GLIS1: variants seen among roughly 807,000 people sequenced by gnomAD.
GLIS1 encodes the protein GLIS family zinc finger 1, also known as zinc finger protein GLIS1.
A neutral mutation model predicts 63.8 loss-of-function variants in GLIS1; 24 were observed. The observed-to-expected ratio is 0.38, with a 90% CI of 0.27 to 0.53. The LOEUF (loss-of-function observed/expected upper bound fraction) is 0.53, where lower values mean the gene tolerates loss of function less well. Among genes scored for constraint, GLIS1 ranks in the 20% least tolerant of loss-of-function variants. The pLI is 0.85. For synonymous variants in GLIS1, 450 were observed against 482.5 expected, an observed-to-expected ratio of 0.93 and a Z score of 0.88; for missense variants, 1,036 against 1,074.1, an observed-to-expected ratio of 0.96 and a Z score of 0.50.
intron 2 of GLIS1, among the ~76,000 whole-genome samples, chr1:53,638,884 G>A (rs1645756233): frequency 6.6e-6 from 1 of 152,150 alleles, no homozygotes; most frequent in African/African-American, 2.4e-5. Flanking sequence ...CTCTGGGTTG[G>A]CCCTGGGTGA....
intron 2 of GLIS1, among the ~76,000 whole-genome samples, chr1:53,602,081 GC>G (rs1645324139): frequency 6.6e-6 from 1 of 152,172 alleles, no homozygotes; most frequent in Non-Finnish European, 1.5e-5. Context: ...TACCTTCCCA[GC>G]CCCAGCCCCA....
At chr1:53,551,158 A>C (rs1644755402) in intron 4 of GLIS1, among the ~76,000 whole-genome samples, 1 of 152,092 alleles carries the variant, frequency 6.6e-6, no homozygotes, top group Non-Finnish European at 1.5e-5. Context: ...GTGATTTTTT[A>C]AAGGATCCCC....
At chr1:53,629,758 A>C (rs1393429702) in intron 2 of GLIS1, among the ~76,000 whole-genome samples, 1 of 152,178 alleles carries the variant, frequency 6.6e-6, no homozygotes, top group African/African-American at 2.4e-5. Context: ...CACACTGCCT[A>C]CTACATATTA....
chr1:53,732,165 A>G (rs1249072966), intron 2 of GLIS1, among the ~76,000 whole-genome samples: 1 of 152,258 alleles, frequency 6.6e-6, no homozygotes, highest in African/African-American at 2.4e-5. Context: ...ACAGCTCGTA[A>G]TGCTAACACG....
intron 2 of GLIS1, among the ~76,000 whole-genome samples, chr1:53,605,624 C>A (rs538199735): frequency 1.3e-5 from 2 of 152,230 alleles, no homozygotes; most frequent in African/African-American, 2.4e-5. Context: ...ACCTCCCCTA[C>A]GAGCCTGAGA....
chr1:53,579,750 C>T (rs1321328504), intron 4 of GLIS1, among the ~76,000 whole-genome samples: 2 of 152,230 alleles, frequency 1.3e-5, no homozygotes, highest in Non-Finnish European at 2.9e-5. Context: ...AAAACATCAT[C>T]ACACCCCAGG....
intron 4 of GLIS1, among the ~76,000 whole-genome samples, chr1:53,540,738 G>A (rs1180110512): frequency 6.6e-6 from 1 of 152,194 alleles, no homozygotes; most frequent in African/African-American, 2.4e-5. Context: ...GGGACCGCCT[G>A]CCCAGGATGG....
rs560468446 is a variant in GLIS1, at chr1:53,509,720, C to T, written c.2062+129G>A. On this transcript the variant is annotated intron_variant, in intron 9 of 10. Coordinates refer to ENST00000628545, the MANE Select transcript of GLIS1 (RefSeq NM_001367484.1). The stretch of plus-strand genomic sequence containing the variant: ...TCCCCTGTCTCCTAGCTTCTCTCAG[C>T]CCCCAGTGCCCAGCCGGTCATTCTC... 8.0e-5 allele frequency: 43 copies of T among 534,262 alleles called. No homozygotes were observed. The East Asian group carries it at 1.5e-3, about 19-fold the overall frequency. 33.1% of individuals were successfully genotyped at this position (534,262 alleles called of 1,614,324 possible). A position where few individuals can be genotyped will look rare whatever the true frequency, so the allele number is the denominator to read the frequency against.
intron 2 of GLIS1, among the ~76,000 whole-genome samples, chr1:53,667,789 G>T (rs1348528892): frequency 6.6e-6 from 1 of 152,178 alleles, no homozygotes; most frequent in Non-Finnish European, 1.5e-5. Context: ...TTCTAAAAGG[G>T]CCTTAATCCC....
intron 2 of GLIS1, among the ~76,000 whole-genome samples, chr1:53,622,765 G>T (rs2100210563): frequency 6.6e-6 from 1 of 152,344 alleles, no homozygotes; most frequent in South Asian, 2.1e-4. Context: ...TCCAGAGGGA[G>T]CAAGGCCCTG....
In GLIS1 at chr1:53,529,923, C is replaced by T. The variant is rs746299392; in HGVS notation, c.1350G>A (p.Arg450=). 6.2e-7 allele frequency: 1 copy of T among 1,613,770 alleles called. No individual in the cohort carries two copies. The change falls in exon 5 of 11, where the codon CGG becomes CGA. Residue 450 remains arginine, a synonymous_variant. Coordinates refer to ENST00000628545, the MANE Select transcript of GLIS1 (RefSeq NM_001367484.1). ...MFEGCSKAFS[R]LENLKIHLRS... ...TCAGGTGGATCTTGAGGTTCTCCAG[C>T]CGTGAGAAGGCCTTGCTGCAGCCTT...
intron 2 of GLIS1, among the ~76,000 whole-genome samples, chr1:53,724,761 C>T (rs925432221): frequency 9.2e-5 from 14 of 152,190 alleles, no homozygotes; most frequent in African/African-American, 3.4e-4. Flanking sequence ...TTCAAGCAAT[C>T]CTCCTGGCTT....
chr1:53,544,383 C>A (rs1644677099), intron 4 of GLIS1, among the ~76,000 whole-genome samples: 1 of 152,180 alleles, frequency 6.6e-6, no homozygotes, highest in South Asian at 2.1e-4. Context: ...CACAGTGAGG[C>A]CTTCGGGCAG....
chr1:53,588,137 G>C (rs918678556), intron 4 of GLIS1, among the ~76,000 whole-genome samples: 1 of 152,114 alleles, frequency 6.6e-6, no homozygotes, highest in Non-Finnish European at 1.5e-5. Context: ...TAATGATCTT[G>C]TCCCACTTGA....
At chr1:53,534,664 C>G (rs1168108125) in intron 4 of GLIS1, among the ~76,000 whole-genome samples, 11 of 131,498 alleles carry the variant, frequency 8.4e-5, no homozygotes, top group Non-Finnish European at 1.3e-4. Flanking sequence ...CCCCACCTGA[C>G]CACCCACCCC....
chr1:53,672,769 G>A (rs537492896), intron 2 of GLIS1, among the ~76,000 whole-genome samples: 9 of 152,236 alleles, frequency 5.9e-5, no homozygotes, highest in African/African-American at 2.2e-4. Flanking sequence ...TCCCCTTCCC[G>A]ACACAAACCT....
intron 4 of GLIS1, among the ~76,000 whole-genome samples, chr1:53,572,181 A>T (rs996148642): frequency 4.6e-5 from 7 of 152,196 alleles, no homozygotes; most frequent in African/African-American, 1.7e-4. Context: ...TCTGGGGCCA[A>T]ATAGTACTTA....
intron 4 of GLIS1, among the ~76,000 whole-genome samples, chr1:53,556,421 A>ATGTGTG (rs1411828546): frequency 3.4e-5 from 2 of 58,506 alleles, no homozygotes; most frequent in African/African-American, 6.9e-5. Flanking sequence ...TACTGTAGGT[A>ATGTGTG]TGTGTGTGCA....
intron 2 of GLIS1, among the ~76,000 whole-genome samples, chr1:53,679,506 A>G (rs1646252195): frequency 6.6e-6 from 1 of 152,168 alleles, no homozygotes; most frequent in African/African-American, 2.4e-5. Flanking sequence ...GAAGACTCAG[A>G]GACTCAGACC....
Sources: allele counts gnomAD v4.1 joint callset (sites outside exome capture counted in the v4.1 genomes callset), GRCh38; gene constraint gnomAD v4.1.1; transcripts MANE v1.5; gene names NCBI Gene and HGNC (gene_info 2026-07-23, HGNC 2026-07-21).